The following PCSK1 variants were observed in gnomAD, a reference collection of about 807,000 sequenced individuals.
PCSK1 encodes neuroendocrine convertase 1.
A neutral mutation model predicts 90.6 loss-of-function variants in PCSK1; 56 were observed. The observed-to-expected ratio is 0.62, with a 90% CI of 0.50 to 0.77. The LOEUF (loss-of-function observed/expected upper bound fraction) is 0.77. Among genes scored for constraint, PCSK1 ranks in the 30% least tolerant of loss-of-function variants. The pLI is 0.00. For synonymous variants in PCSK1, 348 were observed against 342.4 expected, an observed-to-expected ratio of 1.02 and a Z score of -0.18; for missense variants, 801 against 932.6, an observed-to-expected ratio of 0.86 and a Z score of 1.84.
intron 1 of PCSK1, 69 bp downstream of exon 1, chr5:96,432,794 G>T (rs1761546444): frequency 7.3e-7 from 1 of 1,363,610 alleles, no homozygotes; most frequent in South Asian, 1.2e-5. Context: ...CTCCCACTTG[G>T]AAGACCGCGC....
At chr5:96,404,976 C>T (rs1187248120) in intron 9 of PCSK1, among the ~76,000 whole-genome samples, 1 of 152,164 alleles carries the variant, frequency 6.6e-6, no homozygotes, top group African/African-American at 2.4e-5. Context: ...CTTCAGTCTC[C>T]ATAGTTGTTC....
Position 96,410,666 on chromosome 5 carries a change from A to G in PCSK1, c.1095+108T>C, listed in dbSNP as rs544881138. ...AAGTGTGAGTTCTCCCAACTGAGAC[A>G]TCAAGCTTAAGCGAATCAGTCGTAC... On this transcript the variant is annotated intron_variant, in intron 8 of 13. Transcript: ENST00000311106. The G allele has an allele frequency of 3.2e-6, 3 of 936,448 alleles. No homozygotes were observed. The South Asian group carries it at 4.0e-5, about 12-fold the overall frequency. The allele number at this position is 936,448 out of a possible 1,614,324, so 58.0% of individuals were successfully genotyped here.
chr5:96,419,017 G>A (rs368648409), intron 5 of PCSK1, among the ~76,000 whole-genome samples: 15 of 151,956 alleles, frequency 9.9e-5, no homozygotes, highest in African/African-American at 3.6e-4. Flanking sequence ...ACTTTTTTGT[G>A]TACCAGTGTC....
Position 96,391,505 on chromosome 5 carries a change from A to G in PCSK1, c.*1496T>C, listed in dbSNP as rs1186908872. On this transcript the variant is annotated 3_prime_UTR_variant, in exon 14 of 14. Transcript: ENST00000311106. ...GATCATCCAGGTGAGGTGAGATTAC[A>G]TAAGCAAACTCATAATTATTATTGT... 6.6e-6 allele frequency: 1 copy of G among 152,250 alleles called. No individual in the cohort carries two copies. The highest frequency in any genetic ancestry group is 2.4e-5 in the African/African-American group (1 of 41,464). 9.4% of individuals were successfully genotyped at this position (152,250 alleles called of 1,614,324 possible). A position where few individuals can be genotyped will look rare whatever the true frequency, so the allele number is the denominator to read the frequency against.
chr5:96,433,073 A>C lies in PCSK1; in HGVS notation c.-31T>G, dbSNP rs1224115940. 1 of 1,606,692 alleles carries C rather than the reference A, an allele frequency of 6.2e-7. No individual in the cohort carries two copies. Among genetic ancestry groups the C allele is most frequent in the Non-Finnish European group, 8.5e-7 (1 of 1,173,398 alleles). On this transcript the variant is annotated 5_prime_UTR_variant, in exon 1 of 14. Coordinates refer to ENST00000311106, the MANE Select transcript of PCSK1 (RefSeq NM_000439.5). ...ACACACTCGCTTGAACAAGAGTGGG[A>C]AGGGAAGAGGAAAAAGAAGCAAGAT...
At chr5:96,395,098 A>C in intron 12 of PCSK1, 73 bp from the exon 13 acceptor site, 1 of 1,166,064 alleles carries the variant, frequency 8.6e-7, no homozygotes, top group South Asian at 1.2e-5. Context: ...AAATAGCTAA[A>C]AAGGATTTCA....
In PCSK1 at chr5:96,408,257, C is replaced by T. The variant is rs1760638339; in HGVS notation, c.1162G>A (p.Ala388Thr). ...HTGTSASAPL[A>T]AGIFALALEA... ...AGGGCCAGAGCGAAGATGCCAGCAG[C>T]CAGAGGTGCAGAGGCCGAGGTGCCT... Residue 388 changes from alanine (A) to threonine (T), a missense_variant, in exon 9 of 14, where the codon GCT becomes ACT. Ala to Thr is a moderately conservative substitution (Grantham distance 58). Transcript: ENST00000311106. The T allele has an allele frequency of 6.2e-7, 1 of 1,614,082 alleles. No homozygotes were observed. The highest frequency in any genetic ancestry group is 1.7e-5 in the Admixed American group (1 of 60,024).
intron 4 of PCSK1, among the ~76,000 whole-genome samples, chr5:96,422,925 C>T (rs1405746783): frequency 6.9e-6 from 1 of 144,932 alleles, no homozygotes; most frequent in Non-Finnish European, 1.5e-5. Flanking sequence ...TTTACAATGT[C>T]AGGGATATAG....
rs142097318 is a variant in PCSK1, at chr5:96,408,240, A to C, written c.1179T>G (p.Ala393=). The C allele has an allele frequency of 6.2e-7, 1 of 1,613,828 alleles. No homozygotes were observed. Among genetic ancestry groups the C allele is most frequent in the Non-Finnish European group, 8.5e-7 (1 of 1,179,694 alleles). The part of the protein sequence containing the change: ...ASAPLAAGIF[A]LALEANPNLT... ...GGCCTTACTTTGCTTCCAGGGCCAG[A>C]GCGAAGATGCCAGCAGCCAGAGGTG... is the stretch of plus-strand genomic sequence containing the variant. The change falls in exon 9 of 14, where the codon GCT becomes GCG. Residue 393 remains alanine, a synonymous_variant. Coordinates refer to ENST00000311106, the MANE Select transcript of PCSK1 (RefSeq NM_000439.5).
intron 5 of PCSK1, among the ~76,000 whole-genome samples, chr5:96,419,849 T>C (rs1761064322): frequency 6.6e-6 from 1 of 152,152 alleles, no homozygotes; most frequent in Non-Finnish European, 1.5e-5. Context: ...CCCTTTGTTT[T>C]GAGGAAGGTC....
chr5:96,425,304 T>C (rs1270710246), intron 3 of PCSK1, among the ~76,000 whole-genome samples: 3 of 152,250 alleles, frequency 2.0e-5, no homozygotes, highest in Non-Finnish European at 2.9e-5. Flanking sequence ...ATTTGGTAAC[T>C]ATCTTAAAGG....
chr5:96,401,074 G>C (rs1334746912), intron 9 of PCSK1, among the ~76,000 whole-genome samples: 1 of 125,672 alleles, frequency 8.0e-6, no homozygotes, highest in Non-Finnish European at 1.6e-5. Context: ...GCTAAAGAGC[G>C]GGACTCCGTC....
intron 4 of PCSK1, among the ~76,000 whole-genome samples, chr5:96,422,315 G>T (rs796176825): frequency 1.1e-4 from 17 of 152,240 alleles, no homozygotes; most frequent in African/African-American, 3.6e-4. Flanking sequence ...ACTTCCCTAA[G>T]GCCATAAAGC....
At chr5:96,401,919 T>G (rs554873692) in intron 9 of PCSK1, among the ~76,000 whole-genome samples, 1 of 152,192 alleles carries the variant, frequency 6.6e-6, no homozygotes, top group Non-Finnish European at 1.5e-5. Context: ...AAATATAATT[T>G]TAAAACATAT....
At chr5:96,398,810 G>T in intron 11 of PCSK1, 69 bp downstream of exon 11, 1 of 1,207,318 alleles carries the variant, frequency 8.3e-7, no homozygotes, top group Non-Finnish European at 1.2e-6. Flanking sequence ...ATAAACAAAA[G>T]CAATCAGTTA....
chr5:96,433,098 T>G lies in PCSK1; in HGVS notation c.-56A>C. 1 of 1,550,100 alleles carries G rather than the reference T, an allele frequency of 6.5e-7. No homozygotes were observed. Among genetic ancestry groups the G allele is most frequent in the Non-Finnish European group, 8.9e-7 (1 of 1,122,556 alleles). ...AAGGGAAGAGGAAAAAGAAGCAAGA[T>G]AGGAGAAAAGCCAGACAGACTCCCC... On this transcript the variant is annotated 5_prime_UTR_variant, in exon 1 of 14. Coordinates refer to ENST00000311106, the MANE Select transcript of PCSK1 (RefSeq NM_000439.5).
chr5:96,410,747 A>G, intron 8 of PCSK1, 27 bp downstream of exon 8: 7 of 1,561,246 alleles, frequency 4.5e-6, no homozygotes, highest in Non-Finnish European at 6.2e-6. Context: ...CTAACTAAGC[A>G]GAGAGAATTA....
At chr5:96,417,577 T>C (rs1410277615) in intron 5 of PCSK1, among the ~76,000 whole-genome samples, 1 of 151,954 alleles carries the variant, frequency 6.6e-6, no homozygotes, top group Non-Finnish European at 1.5e-5. Flanking sequence ...AGGATTCTCT[T>C]GAAAGTGAAG....
chr5:96,404,525 C>T (rs990462472), intron 9 of PCSK1, among the ~76,000 whole-genome samples: 4 of 152,222 alleles, frequency 2.6e-5, no homozygotes, highest in Non-Finnish European at 5.9e-5. Flanking sequence ...CCCCAATACT[C>T]TGGCTATATA....
Sources: gnomAD v4.1 joint callset for allele counts (sites outside exome capture counted in the v4.1 genomes callset) on GRCh38, gnomAD v4.1.1 for gene constraint, MANE v1.5 for transcripts, NCBI Gene and HGNC (gene_info 2026-07-23, HGNC 2026-07-21) for gene names.